TEX36: variants seen among roughly 807,000 people sequenced by gnomAD.
TEX36 encodes the protein testis expressed 36.
In TEX36, 12 loss-of-function variants were observed where a neutral mutation model predicts 13.6. That is an observed-to-expected ratio of 0.88 (90% CI 0.56 to 1.43). TEX36 has a LOEUF of 1.43. TEX36 is among the 40% of genes most tolerant of loss of function. The probability of loss-of-function intolerance (pLI) is 0.00; values close to 1 mark genes in which losing one functional copy is unlikely to be tolerated. For synonymous variants in TEX36, 93 were observed against 83.0 expected (o/e 1.12, Z -0.65); for missense variants, 224 against 228.3 (o/e 0.98, Z 0.12).
chr10:125,586,633 TCCAAAAAAAA>T (rs1239233874), intron 3 of TEX36, among the ~76,000 whole-genome samples: 3 of 77,444 alleles, frequency 3.9e-5, no homozygotes, highest in South Asian at 3.4e-4. Context: ...CTACTAAAAA[TCCAAAAAAAA>T]AAAAAAAAAA....
intron 1 of TEX36, among the ~76,000 whole-genome samples, chr10:125,676,935 G>A (rs1469933711): frequency 2.0e-5 from 3 of 152,176 alleles, no homozygotes; most frequent in Non-Finnish European, 4.4e-5. Flanking sequence ...GGGAAAGACT[G>A]TATTTCTCCT....
intron 3 of TEX36, among the ~76,000 whole-genome samples, chr10:125,642,801 G>A (rs1006558751): frequency 5.3e-5 from 8 of 152,190 alleles, no homozygotes; most frequent in South Asian, 2.1e-4. Flanking sequence ...CCTCAGACAA[G>A]AGGTCTTTAG....
At chr10:125,651,775 A>C (rs1052671423), downstream of TEX36, among the ~76,000 whole-genome samples, 1 of 152,236 alleles carries the variant, frequency 6.6e-6, no homozygotes, top group African/African-American at 2.4e-5. Flanking sequence ...AATCTCCTTA[A>C]GCTGATAAGC....
intron 2 of TEX36, among the ~76,000 whole-genome samples, chr10:125,661,378 T>C (rs897671652): frequency 8.5e-5 from 13 of 152,172 alleles, no homozygotes; most frequent in African/African-American, 2.9e-4. Flanking sequence ...TGGAAAAGTG[T>C]ACAGGCTCAT....
chr10:125,598,884 A>C (rs1403768376), intron 3 of TEX36, among the ~76,000 whole-genome samples: 1 of 152,202 alleles, frequency 6.6e-6, no homozygotes, highest in African/African-American at 2.4e-5. Context: ...CTCCCAATCC[A>C]AAAATTTATA....
At chr10:125,677,122 T>C (rs988437720) in intron 1 of TEX36, among the ~76,000 whole-genome samples, 1 of 152,214 alleles carries the variant, frequency 6.6e-6, no homozygotes, top group African/African-American at 2.4e-5. Context: ...CTTGCTTTTT[T>C]AAAAAATTTG....
chr10:125,644,160 TAC>T (rs758998019), intron 3 of TEX36, among the ~76,000 whole-genome samples: 4 of 152,198 alleles, frequency 2.6e-5, no homozygotes, highest in Non-Finnish European at 5.9e-5. Context: ...GTTGTTTGGT[TAC>T]AAGAAAACCT....
intron 3 of TEX36, among the ~76,000 whole-genome samples, chr10:125,631,017 C>T (rs551674574): frequency 1.3e-5 from 2 of 152,278 alleles, no homozygotes; most frequent in Admixed American, 1.3e-4. Context: ...CTTCTGCCTG[C>T]TTTTTAAGAA....
At chr10:125,632,944 G>A (rs976651864) in intron 3 of TEX36, among the ~76,000 whole-genome samples, 1 of 152,066 alleles carries the variant, frequency 6.6e-6, no homozygotes, top group Non-Finnish European at 1.5e-5. Flanking sequence ...GCCAATATAT[G>A]AAACCCCGTC....
chr10:125,639,619 C>A (rs1392491276), intron 3 of TEX36, among the ~76,000 whole-genome samples: 1 of 129,488 alleles, frequency 7.7e-6, no homozygotes, highest in Non-Finnish European at 1.6e-5. Context: ...GTGGGGGAAG[C>A]TGAGGGTGGG....
intron 3 of TEX36, among the ~76,000 whole-genome samples, chr10:125,599,427 T>TTTA (rs1367478642): frequency 3.3e-5 from 5 of 152,228 alleles, no homozygotes; most frequent in African/African-American, 1.2e-4. Flanking sequence ...CTTCACTCTC[T>TTTA]TTATTGACGT....
At chr10:125,578,011 T>C (rs1267710069) in intron 3 of TEX36, among the ~76,000 whole-genome samples, 1 of 152,246 alleles carries the variant, frequency 6.6e-6, no homozygotes, top group Non-Finnish European at 1.5e-5. Flanking sequence ...TTTATCAGCA[T>C]TATAGTCATT....
chr10:125,668,351 A>C (rs1229262548), intron 1 of TEX36, among the ~76,000 whole-genome samples: 1 of 151,486 alleles, frequency 6.6e-6, no homozygotes, highest in Non-Finnish European at 1.5e-5. Context: ...ACTATTCAGC[A>C]TTGCTCTGTT....
At chr10:125,661,447 A>G (rs1488871483) in intron 2 of TEX36, among the ~76,000 whole-genome samples, 1 of 152,242 alleles carries the variant, frequency 6.6e-6, no homozygotes, top group Non-Finnish European at 1.5e-5. Flanking sequence ...TCATCTGGCC[A>G]GTAAGGGTCC....
At chr10:125,666,579 G>A (rs1430361325) in intron 1 of TEX36, among the ~76,000 whole-genome samples, 1 of 152,138 alleles carries the variant, frequency 6.6e-6, no homozygotes, top group Non-Finnish European at 1.5e-5. Flanking sequence ...TCTTTTTGAT[G>A]TGCTGTTGCA....
chr10:125,619,703 C>G (rs903528573), downstream of TEX36, among the ~76,000 whole-genome samples: 3 of 151,618 alleles, frequency 2.0e-5, no homozygotes, highest in Non-Finnish European at 2.9e-5. Flanking sequence ...ATTACAGGCG[C>G]ACACCACCAT....
At chr10:125,576,802 G>T in exon 4 of TEX36, 1 of 1,535,978 alleles carries the variant, frequency 6.5e-7, no homozygotes, top group Non-Finnish European at 8.7e-7. Context: ...GGAATGGACT[G>T]GGTCCTCACC....
intron 3 of TEX36, among the ~76,000 whole-genome samples, chr10:125,588,507 C>T (rs1845984605): frequency 6.6e-6 from 1 of 152,140 alleles, no homozygotes. Context: ...AGCTTCCACT[C>T]ATGGTGAAAG....
At position 125,655,989 on chromosome 10, in the gene TEX36, G is replaced by T. The variant is rs532643544; in HGVS notation, c.472C>A (p.Pro158Thr). 1 of 1,551,740 alleles carries T rather than the reference G, an allele frequency of 6.4e-7. No homozygotes were observed. The highest frequency in any genetic ancestry group is 8.7e-7 in the Non-Finnish European group (1 of 1,146,984). Residue 158 changes from proline (P) to threonine (T), a missense_variant, in exon 4 of 4, where the codon CCT becomes ACT. Transcript: ENST00000368821. ...AAAACCTCTGTATAGCTTCTCTCAGGAAGAAATGTAAAAGCGTTCCATATC... is the reference window on the plus strand; with the variant it reads ...AAAACCTCTGTATAGCTTCTCTCAGTAAGAAATGTAAAAGCGTTCCATATC... ...KEIWNAFTFL[P>T]ERSYTEVLKK...
Sources: gnomAD v4.1 joint callset for allele counts (sites outside exome capture counted in the v4.1 genomes callset) on GRCh38, gnomAD v4.1.1 for gene constraint, MANE v1.5 for transcripts, NCBI Gene and HGNC (gene_info 2026-07-23, HGNC 2026-07-21) for gene names.